Variants in FXR1 observed in about 807,000 individuals in gnomAD.
The protein encoded by FXR1 is RNA-binding protein FXR1.
A neutral mutation model predicts 84.0 loss-of-function variants in FXR1; 15 were observed. That is an observed-to-expected ratio of 0.18 (90% confidence interval 0.12 to 0.27). FXR1 has a LOEUF of 0.27. Among genes scored for constraint, FXR1 ranks in the 10% least tolerant of loss-of-function variants. The pLI, the probability that FXR1 is intolerant of heterozygous loss-of-function variation, is 1.00. For missense variants in FXR1, 480 were observed against 774.4 expected (o/e 0.62, Z 4.51); for synonymous variants, 245 against 250.7 (o/e 0.98, Z 0.21).
chr3:180,941,629 C>T (rs914250442), intron 3 of FXR1, among the ~76,000 whole-genome samples: 2 of 152,124 alleles, frequency 1.3e-5, no homozygotes, highest in Admixed American at 1.3e-4. Context: ...GATACCAAGA[C>T]CATTGTTAGT....
chr3:180,921,915 C>T (rs148395136), intron 1 of FXR1, among the ~76,000 whole-genome samples: 87 of 152,166 alleles, frequency 5.7e-4, no homozygotes, highest in Non-Finnish European at 1.1e-3. Context: ...AGCACATATA[C>T]GTGGTTCCAT....
chr3:180,948,348 T>G lies in FXR1; in HGVS notation c.272T>G (p.Phe91Cys). The G allele has an allele frequency of 6.3e-7, 1 of 1,589,670 alleles. No individual in the cohort carries two copies. The highest frequency in any genetic ancestry group is 2.2e-5 in the East Asian group (1 of 44,772). Residue 91 changes from phenylalanine (F) to cysteine (C), a missense_variant and splice_region_variant, in exon 5 of 17, where the codon TTT (phenylalanine) becomes TGT (cysteine). By Grantham distance (205) the Phe-to-Cys change is radical (BLOSUM62 -2). Transcript: ENST00000357559. ...LAKVRMMKGEFYVIEYAACDA... is the reference protein window; with the variant it reads ...LAKVRMMKGECYVIEYAACDA... ...TTAAAGTATTTTGATGTCTTTTAGTTTTATGTCATTGAATATGCTGCTTGT... is the reference window on the plus strand; with the variant it reads ...TTAAAGTATTTTGATGTCTTTTAGTGTTATGTCATTGAATATGCTGCTTGT...
intron 10 of FXR1, among the ~76,000 whole-genome samples, chr3:180,960,287 A>G (rs188092280): frequency 1.3e-3 from 193 of 152,246 alleles, no homozygotes; most frequent in African/African-American, 4.5e-3. Context: ...TCTGGAGGTG[A>G]TATTTCTTTT....
At chr3:180,927,603 A>G (rs1719377496) in intron 1 of FXR1, 1 of 598,014 alleles carries the variant, frequency 1.7e-6, no homozygotes, top group East Asian at 3.2e-5. Context: ...TCAAAAATAT[A>G]TTCATAAAGT....
intron 1 of FXR1, among the ~76,000 whole-genome samples, chr3:180,926,506 A>G (rs58348976): frequency 1.6e-5 from 2 of 124,394 alleles, no homozygotes; most frequent in African/African-American, 5.8e-5. Context: ...ATATATATAT[A>G]TTTTTTTTTC....
intron 3 of FXR1, among the ~76,000 whole-genome samples, chr3:180,937,558 A>G (rs1250063533): frequency 2.0e-5 from 3 of 152,134 alleles, no homozygotes; most frequent in South Asian, 2.1e-4. Flanking sequence ...GCTCTGGTCA[A>G]ATTTGCTCTC....
chr3:180,961,367 A>AAAAAG, intron 10 of FXR1, 101 bp from the exon 11 acceptor site: 2 of 116,176 alleles, frequency 1.7e-5, no homozygotes, highest in Non-Finnish European at 1.5e-5. Flanking sequence ...AAAAAAAAAA[A>AAAAAG]GGTGTGTGTG....
intron 3 of FXR1, 60 bp downstream of exon 3, chr3:180,935,291 T>C (rs1720394649): frequency 1.2e-5 from 9 of 752,054 alleles, no homozygotes; most frequent in South Asian, 1.5e-5. Flanking sequence ...AAATACTCTT[T>C]TAGGAGAATT....
chr3:180,971,975 T>A (rs1713642820), intron 15 of FXR1, among the ~76,000 whole-genome samples: 1 of 152,234 alleles, frequency 6.6e-6, no homozygotes, highest in African/African-American at 2.4e-5. Flanking sequence ...TTCTGGCATC[T>A]TTACTATTTT....
chr3:180,967,524 T>G (rs1712988858), intron 13 of FXR1, among the ~76,000 whole-genome samples: 1 of 151,922 alleles, frequency 6.6e-6, no homozygotes, highest in South Asian at 2.1e-4. Flanking sequence ...CATTTGACTA[T>G]CCATACTAAG....
intron 15 of FXR1, among the ~76,000 whole-genome samples, chr3:180,972,327 G>A (rs1713685095): frequency 2.6e-5 from 4 of 152,198 alleles, no homozygotes; most frequent in South Asian, 2.1e-4. Flanking sequence ...GTGGTAGTGC[G>A]CACCTGTAGT....
At chr3:180,964,696 TATATA>T (rs1441177304) in intron 13 of FXR1, among the ~76,000 whole-genome samples, 1 of 141,422 alleles carries the variant, frequency 7.1e-6, no homozygotes, top group Non-Finnish European at 1.6e-5. Context: ...TATATATATA[TATATA>T]ATGAGTACTG....
chr3:180,963,930 C>T (rs1345321766), intron 13 of FXR1, among the ~76,000 whole-genome samples: 2 of 152,066 alleles, frequency 1.3e-5, no homozygotes, highest in Non-Finnish European at 2.9e-5. Context: ...TATACTTACT[C>T]CCTTTTGAGG....
At chr3:180,915,755 C>T (rs773149663) in intron 1 of FXR1, 2 of 619,576 alleles carry the variant, frequency 3.2e-6, no homozygotes, top group Non-Finnish European at 5.8e-6. Flanking sequence ...TGAGGCAGTA[C>T]TCTGTAGACT....
At chr3:180,974,469 T>G (rs1713973086) in intron 15 of FXR1, among the ~76,000 whole-genome samples, 1 of 151,698 alleles carries the variant, frequency 6.6e-6, no homozygotes, top group Non-Finnish European at 1.5e-5. Context: ...GAAGAGAGAG[T>G]GTTGATGTAT....
rs761294494 is a variant in FXR1, at chr3:180,971,107, C to G, written c.1603+749C>G. ...TGAAAAAAAACCCCAGCGACGCAAT[C>G]GTAGCCGCAGGCGTCGCTTCAGGGG... On this transcript the variant is annotated intron_variant, in intron 15 of 16. Coordinates refer to ENST00000357559, the MANE Select transcript of FXR1 (RefSeq NM_005087.4). 1.3e-5 allele frequency: 16 copies of G among 1,272,062 alleles called. No homozygotes were observed. In the South Asian group the frequency reaches 2.0e-4, roughly 16 times the overall value. The allele number at this position is 1,272,062 out of a possible 1,614,324, so 78.8% of individuals were successfully genotyped here. A position where few individuals can be genotyped will look rare whatever the true frequency, so the allele number is the denominator to read the frequency against.
intron 3 of FXR1, among the ~76,000 whole-genome samples, chr3:180,944,326 CTTT>C (rs11344405): frequency 6.8e-6 from 1 of 146,132 alleles, no homozygotes. Flanking sequence ...GTTATTGGAC[CTTT>C]TTTTTTTTTG....
chr3:180,961,660 A>G (rs1454852151), intron 11 of FXR1, 106 bp downstream of exon 11: 2 of 560,146 alleles, frequency 3.6e-6, no homozygotes, highest in African/African-American at 1.9e-5. Flanking sequence ...AACATTTTAT[A>G]TTTGAAGTAA....
Position 180,948,425 on chromosome 3 carries a change from C to A in FXR1, c.349C>A (p.Gln117Lys), listed in dbSNP as rs1721906212. 6.2e-7 allele frequency: 1 copy of A among 1,607,410 alleles called. No individual in the cohort carries two copies. The highest frequency in any genetic ancestry group is 8.5e-7 in the Non-Finnish European group (1 of 1,174,064). Residue 117 changes from glutamine to lysine, a missense_variant, in exon 5 of 17, where the codon CAA becomes AAA. This residue lies in a region of FXR1 where 136 missense variants were observed against 315.4 expected (regional missense o/e 0.43). Transcript: ENST00000357559. ...VTFERLRPVNQNKTVKKNTFF... is the reference protein window; with the variant it reads ...VTFERLRPVNKNKTVKKNTFF... ...ATTTGAACGACTTCGGCCTGTCAATCAAAATAAAACTGTCAAAAAAAATAC... is the reference window on the plus strand; with the variant it reads ...ATTTGAACGACTTCGGCCTGTCAATAAAAATAAAACTGTCAAAAAAAATAC...
Sources: gnomAD v4.1 joint callset for allele counts (sites outside exome capture counted in the v4.1 genomes callset) on GRCh38, gnomAD v4.1.1 for gene constraint, gnomAD v4.1.1 regional missense constraint, MANE v1.5 for transcripts, NCBI Gene and HGNC (gene_info 2026-07-23, HGNC 2026-07-21) for gene names.